CREBRF: variants seen among roughly 807,000 people sequenced by gnomAD.
CREBRF encodes the protein UPF0474 protein C5orf41.
CREBRF carries 5 observed loss-of-function variants against 66.1 expected under a neutral mutation model. That is an observed-to-expected ratio of 0.08 (90% CI 0.04 to 0.16). CREBRF has a LOEUF of 0.16. Ranked by LOEUF, CREBRF falls within the 10% of genes least tolerant of loss-of-function variation. CREBRF has a pLI of 1.00. For synonymous variants in CREBRF, 229 were observed against 264.4 expected, an observed-to-expected ratio of 0.87 and a Z score of 1.30; for missense variants, 531 against 744.9, an observed-to-expected ratio of 0.71 and a Z score of 3.34.
intron 7 of CREBRF, among the ~76,000 whole-genome samples, chr5:173,117,694 CTCT>C (rs1759036479): frequency 7.2e-6 from 1 of 138,844 alleles, no homozygotes; most frequent in Non-Finnish European, 1.6e-5. Context: ...CTCTCTCCTC[CTCT>C]TCCCTCCCTC....
At chr5:173,114,463 A>T (rs952565570) in intron 7 of CREBRF, among the ~76,000 whole-genome samples, 5 of 152,206 alleles carry the variant, frequency 3.3e-5, no homozygotes, top group African/African-American at 1.2e-4. Context: ...CCAACTTTAT[A>T]TTTTGCCAAG....
chr5:173,061,228 C>A (rs1265453932), intron 1 of CREBRF, among the ~76,000 whole-genome samples: 1 of 152,126 alleles, frequency 6.6e-6, no homozygotes, highest in African/African-American at 2.4e-5. Flanking sequence ...AGCCTCCCAA[C>A]GTGCTGGGAT....
rs993163137 is a variant in CREBRF, at chr5:173,107,998, A to C, written c.1223-626A>C. ...AGGCGTGCACCACCACGCCCTGGCT[A>C]ATTTTTGTGTTTTTTAGTAGAGACG... On this transcript the variant is annotated intron_variant, in intron 4 of 8. Transcript: ENST00000296953. Among the ~76,000 whole-genome samples, 14 of 151,280 alleles carry C rather than the reference A, an allele frequency of 9.3e-5. 1 individual carries two copies. Among genetic ancestry groups the C allele is most frequent in the Admixed American group, 8.6e-4 (13 of 15,164 alleles).
chr5:173,088,298 G>A (rs1172954132), intron 3 of CREBRF, among the ~76,000 whole-genome samples: 7 of 95,848 alleles, frequency 7.3e-5, no homozygotes, highest in South Asian at 3.2e-4. Flanking sequence ...ACAGAGTTTC[G>A]CTCCTGTTGC....
intron 7 of CREBRF, among the ~76,000 whole-genome samples, chr5:173,119,157 C>T (rs1245078575): frequency 6.6e-6 from 1 of 152,186 alleles, no homozygotes; most frequent in Non-Finnish European, 1.5e-5. Flanking sequence ...TTGGCTATTA[C>T]AGGTCTTTTG....
chr5:173,060,864 T>C (rs1192028407), intron 1 of CREBRF, among the ~76,000 whole-genome samples: 1 of 152,194 alleles, frequency 6.6e-6, no homozygotes, highest in Non-Finnish European at 1.5e-5. Flanking sequence ...TTTTGGGCTC[T>C]ATTCCAATAA....
intron 7 of CREBRF, among the ~76,000 whole-genome samples, chr5:173,113,010 T>A (rs573195381): frequency 9.8e-5 from 15 of 152,350 alleles, no homozygotes; most frequent in African/African-American, 3.6e-4. Flanking sequence ...TTTGTGTGTG[T>A]GAGACAGGAT....
intron 1 of CREBRF, among the ~76,000 whole-genome samples, chr5:173,062,896 C>T (rs1043943414): frequency 1.5e-4 from 22 of 151,676 alleles, no homozygotes; most frequent in Admixed American, 4.6e-4. Context: ...TACAGGCGCC[C>T]GCCACTACGC....
chr5:173,111,612 A>G (rs989861355), intron 6 of CREBRF, among the ~76,000 whole-genome samples: 3 of 152,120 alleles, frequency 2.0e-5, no homozygotes, highest in Non-Finnish European at 2.9e-5. Flanking sequence ...TTGGTTGCTG[A>G]GTTGTATTCC....
At chr5:173,097,942 TC>T (rs934798546) in intron 4 of CREBRF, among the ~76,000 whole-genome samples, 1 of 152,108 alleles carries the variant, frequency 6.6e-6, no homozygotes, top group Non-Finnish European at 1.5e-5. Flanking sequence ...TTTTTCTACT[TC>T]CTTGAGGTGT....
At chr5:173,065,894 C>T (rs982186208) in intron 1 of CREBRF, among the ~76,000 whole-genome samples, 2 of 152,090 alleles carry the variant, frequency 1.3e-5, no homozygotes, top group African/African-American at 4.8e-5. Flanking sequence ...ACCTTGGCGT[C>T]CCAAAATGTG....
At chr5:173,104,657 G>A (rs1758707023) in intron 4 of CREBRF, among the ~76,000 whole-genome samples, 1 of 152,058 alleles carries the variant, frequency 6.6e-6, no homozygotes. Context: ...TCCAGCCTGG[G>A]TGACAGAGCA....
intron 4 of CREBRF, among the ~76,000 whole-genome samples, chr5:173,100,359 G>C (rs926519332): frequency 1.3e-5 from 2 of 151,504 alleles, no homozygotes; most frequent in African/African-American, 2.4e-5. Flanking sequence ...CACTGTTACA[G>C]TATTAGAGCA....
At chr5:173,103,149 A>G (rs1331871041) in intron 4 of CREBRF, among the ~76,000 whole-genome samples, 1 of 152,232 alleles carries the variant, frequency 6.6e-6, no homozygotes, top group Non-Finnish European at 1.5e-5. Flanking sequence ...CAGTGGCTTT[A>G]TACATTAGCA....
chr5:173,058,958 G>A (rs557144388), intron 1 of CREBRF, among the ~76,000 whole-genome samples: 37 of 151,428 alleles, frequency 2.4e-4, no homozygotes, highest in African/African-American at 9.0e-4. Context: ...ACCATGCCTG[G>A]CTAATTTTTT....
At chr5:173,104,702 C>T (rs957850493) in intron 4 of CREBRF, among the ~76,000 whole-genome samples, 3 of 148,656 alleles carry the variant, frequency 2.0e-5, no homozygotes, top group Non-Finnish European at 4.4e-5. Flanking sequence ...TGGCTTTAGG[C>T]AACAAATTCA....
At chr5:173,073,054 G>T (rs1257032840) in intron 1 of CREBRF, among the ~76,000 whole-genome samples, 3 of 152,244 alleles carry the variant, frequency 2.0e-5, no homozygotes, top group Non-Finnish European at 4.4e-5. Context: ...TGTTGTATCT[G>T]CAGTGATGGA....
At chr5:173,061,053 C>T (rs1036129273) in intron 1 of CREBRF, among the ~76,000 whole-genome samples, 36 of 152,234 alleles carry the variant, frequency 2.4e-4, no homozygotes, top group African/African-American at 6.7e-4. Flanking sequence ...CTGCAACCTC[C>T]GCCTCCCGGG....
At chr5:173,094,857 C>T (rs909636460) in intron 4 of CREBRF, among the ~76,000 whole-genome samples, 1 of 151,964 alleles carries the variant, frequency 6.6e-6, no homozygotes, top group East Asian at 1.9e-4. Context: ...AAATCATTGC[C>T]CAGACCAATG....
Sources: gnomAD v4.1 joint callset for allele counts (sites outside exome capture counted in the v4.1 genomes callset) on GRCh38, gnomAD v4.1.1 for gene constraint, MANE v1.5 for transcripts, NCBI Gene and HGNC (gene_info 2026-07-23, HGNC 2026-07-21) for gene names.